SLC45A1: variants seen among roughly 807,000 people sequenced by gnomAD.
SLC45A1 encodes solute carrier family 45 member 1.
Under a neutral mutation model 57.6 loss-of-function variants are expected in SLC45A1, and 28 were observed. The ratio of observed to expected loss-of-function variants is 0.49; its 90% CI spans 0.36 to 0.67. SLC45A1 has a LOEUF of 0.67. Ranked by LOEUF, SLC45A1 falls within the 30% of genes least tolerant of loss-of-function variation. The pLI is 0.00. For synonymous variants in SLC45A1, 459 were observed against 471.5 expected (o/e 0.97, Z 0.34); for missense variants, 814 against 1,041.5 (o/e 0.78, Z 3.01).
Position 8,339,483 on chromosome 1 carries a change from T to G in SLC45A1, c.1775-10T>G, listed in dbSNP as rs1640734111. The G allele has an allele frequency of 1.2e-6, 2 of 1,614,060 alleles. No homozygotes were observed. Among genetic ancestry groups the G allele is most frequent in the Non-Finnish European group, 1.7e-6 (2 of 1,179,918 alleles). ...CGTGTGGCACTGCTCACCCTCTCTG[T>G]GGCCCGCAGCTATCCTGGAGAAGCT... On this transcript the variant is annotated splice_polypyrimidine_tract_variant and intron_variant, in intron 7 of 8. Coordinates refer to ENST00000471889, the MANE Select transcript of SLC45A1 (RefSeq NM_001080397.3).
intron 1 of SLC45A1, among the ~76,000 whole-genome samples, chr1:8,321,719 G>A (rs1640013528): frequency 6.6e-6 from 1 of 152,038 alleles, no homozygotes; most frequent in Non-Finnish European, 1.5e-5. Context: ...ATAGAGGAGT[G>A]GGTGGAAGAA....
chr1:8,324,833 G>A (rs538867028), intron 2 of SLC45A1, 107 bp downstream of exon 2: 3 of 1,118,760 alleles, frequency 2.7e-6, no homozygotes, highest in East Asian at 2.6e-5. Flanking sequence ...CAAGAGTTAA[G>A]TTCCCTTCAT....
intron 1 of SLC45A1, among the ~76,000 whole-genome samples, chr1:8,323,381 C>G (rs1640092165): frequency 6.6e-6 from 1 of 151,180 alleles, no homozygotes. Context: ...ATCCCAGCTA[C>G]TTGGGAGGCT....
Position 8,338,489 on chromosome 1 carries a change from C to G in SLC45A1, c.1774+497C>G, listed in dbSNP as rs995522059. On this transcript the variant is annotated intron_variant, in intron 7 of 8. Transcript: ENST00000471889. ...TTGGAGCACAGTGCTGAGTTCACACCAGGGCGAAGCCGAGGTGCCATCCCC... is the reference window on the plus strand; with the variant it reads ...TTGGAGCACAGTGCTGAGTTCACACGAGGGCGAAGCCGAGGTGCCATCCCC... 1.6e-4 allele frequency among the ~76,000 whole-genome samples: 25 copies of G among 152,264 alleles called. 1 individual carries two copies. Among genetic ancestry groups the G allele is most frequent in the African/African-American group, 5.5e-4 (23 of 41,478 alleles).
intron 7 of SLC45A1, 147 bp downstream of exon 7, chr1:8,338,139 C>A (rs896744374): frequency 3.9e-6 from 3 of 764,322 alleles, no homozygotes. Context: ...GGCTGCAGGG[C>A]GCTGGGCCTG....
chr1:8,337,072 G>A (rs965559610), intron 6 of SLC45A1, among the ~76,000 whole-genome samples: 20 of 152,168 alleles, frequency 1.3e-4, no homozygotes, highest in Non-Finnish European at 2.4e-4. Context: ...AGACATACAC[G>A]AAACTGGGTA....
chr1:8,319,017 A>C (rs1490846421), intron 1 of SLC45A1, among the ~76,000 whole-genome samples: 2 of 152,246 alleles, frequency 1.3e-5, no homozygotes, highest in Admixed American at 6.5e-5. Context: ...GCGGTGGCTC[A>C]TGCCTGTAAT....
Position 8,330,509 on chromosome 1 carries a change from C to G in SLC45A1, c.1016C>G (p.Ser339Trp). Residue 339 changes from serine to tryptophan, a missense_variant, in exon 5 of 9, where the codon TCG becomes TGG. Transcript: ENST00000471889. The surrounding 1 kb of genome is among the most constrained non-coding windows in gnomAD (Gnocchi z 8.4). Reference sequence around the variant, plus strand: ...GCCACCAACTTCTCCAGCCCCATCTCGCCGCCCAGCCCCCTCACGCCCAAG... The same window carrying G: ...GCCACCAACTTCTCCAGCCCCATCTGGCCGCCCAGCCCCCTCACGCCCAAG... ...HTATNFSSPI[S>W]PPSPLTPKYG... The G allele has an allele frequency of 6.2e-7, 1 of 1,613,238 alleles. No individual in the cohort carries two copies. Among genetic ancestry groups the G allele is most frequent in the Non-Finnish European group, 8.5e-7 (1 of 1,179,968 alleles).
chr1:8,318,627 G>C (rs1032409651), intron 1 of SLC45A1, among the ~76,000 whole-genome samples: 2 of 152,230 alleles, frequency 1.3e-5, no homozygotes, highest in African/African-American at 4.8e-5. Context: ...AGGGCACCGA[G>C]GACTCCCCTT....
At chr1:8,329,883 C>T (rs1408087799) in intron 4 of SLC45A1, among the ~76,000 whole-genome samples, 1 of 152,170 alleles carries the variant, frequency 6.6e-6, no homozygotes, top group African/African-American at 2.4e-5. Context: ...CCGGTGTCAA[C>T]ATTCGCTCCA....
At chr1:8,332,013 C>T (rs1435492338) in intron 5 of SLC45A1, among the ~76,000 whole-genome samples, 1 of 152,112 alleles carries the variant, frequency 6.6e-6, no homozygotes, top group African/African-American at 2.4e-5. Context: ...AGGATGGTTT[C>T]GATCTCCTGA....
chr1:8,333,890 T>C (rs1640507329), intron 5 of SLC45A1, among the ~76,000 whole-genome samples: 2 of 152,260 alleles, frequency 1.3e-5, no homozygotes, highest in Non-Finnish European at 2.9e-5. Context: ...TTGAGGTTCC[T>C]GGTGGCACCA....
chr1:8,326,489 A>T lies in SLC45A1; in HGVS notation c.715+447A>T, dbSNP rs915133473. Among the ~76,000 whole-genome samples, 1 of 152,232 alleles carries T rather than the reference A, an allele frequency of 6.6e-6. No individual in the cohort carries two copies. The highest frequency in any genetic ancestry group is 2.4e-5 in the African/African-American group (1 of 41,458). On this transcript the variant is annotated intron_variant, in intron 4 of 8. Coordinates refer to ENST00000471889, the MANE Select transcript of SLC45A1 (RefSeq NM_001080397.3). This position sits in a 1 kb window ranked among gnomAD's most constrained non-coding sequence, Gnocchi z 5.5. ...TTTCATCTGTGCCTTTGGCTGATTAACATTGAATTGACGGCCGACAGCGCT... is the reference window on the plus strand; with the variant it reads ...TTTCATCTGTGCCTTTGGCTGATTATCATTGAATTGACGGCCGACAGCGCT...
At chr1:8,341,199 CA>C (rs60069512) in intron 8 of SLC45A1, among the ~76,000 whole-genome samples, 3,815 of 64,256 alleles carry the variant, frequency 0.059, 152 homozygotes, top group African/African-American at 0.18. Context: ...GACTCCGTTT[CA>C]AAAAAAAAAA....
At chr1:8,331,907 C>G (rs1382305639) in intron 5 of SLC45A1, among the ~76,000 whole-genome samples, 3 of 152,008 alleles carry the variant, frequency 2.0e-5, no homozygotes, top group African/African-American at 7.3e-5. Flanking sequence ...ATTCTTCTGC[C>G]TCAGCCTCCC....
Position 8,330,974 on chromosome 1 carries a change from TG to T in SLC45A1, c.1443+40del. On this transcript the variant is annotated intron_variant, in intron 5 of 8. Transcript: ENST00000471889. The surrounding 1 kb of genome is among the most constrained non-coding windows in gnomAD (Gnocchi z 8.4). ...GTCGGGGGAGCTGAGGCTCAGAGGG[TG>T]GCATTCGGGGGTCCCCTGGTCAGTT... 6.5e-7 allele frequency: 1 copy of T among 1,538,266 alleles called. No homozygotes were observed. The highest frequency in any genetic ancestry group is 1.2e-5 in the South Asian group (1 of 81,460).
Position 8,343,920 on chromosome 1 carries a change from G to T in SLC45A1, c.2154G>T (p.Leu718=). Residue 718 remains leucine (L), a synonymous_variant, in exon 9 of 9, where the codon CTG becomes CTT. Coordinates refer to ENST00000471889, the MANE Select transcript of SLC45A1 (RefSeq NM_001080397.3). This position sits in a 1 kb window ranked among gnomAD's most constrained non-coding sequence, Gnocchi z 7.7. ...VMYFSSLVSF[L]GCLYSSLFVI... ...ACTTCTCCAGCCTCGTGTCCTTCCTGGGCTGCCTGTACTCCTCCCTGTTTG... is the reference window on the plus strand; with the variant it reads ...ACTTCTCCAGCCTCGTGTCCTTCCTTGGCTGCCTGTACTCCTCCCTGTTTG... 1 of 1,614,122 alleles carries T rather than the reference G, an allele frequency of 6.2e-7. No individual in the cohort carries two copies. Among genetic ancestry groups the T allele is most frequent in the Non-Finnish European group, 8.5e-7 (1 of 1,180,030 alleles).
chr1:8,330,392 G>A lies in SLC45A1; in HGVS notation c.899G>A (p.Arg300Gln), dbSNP rs368671084. The A allele has an allele frequency of 2.8e-5, 45 of 1,612,528 alleles. No homozygotes were observed. In the African/African-American group the frequency reaches 4.3e-4, roughly 15 times the overall value. Residue 300 changes from arginine (R) to glutamine (Q), a missense_variant, in exon 5 of 9, where the codon CGG becomes CAG. Arg to Gln is a conservative substitution (Grantham distance 43). Transcript: ENST00000471889. This position sits in a 1 kb window ranked among gnomAD's most constrained non-coding sequence, Gnocchi z 8.4. ...CCGCTGCGGCCGCCGAGTGAGAAGC[G>A]GGCAGCCATGAAGAGCCCCAGCCTC... The part of the protein sequence containing the change: ...ERPLRPPSEK[R>Q]AAMKSPSLPL...
Position 8,327,718 on chromosome 1 carries a change from AG to A in SLC45A1, c.715+1677del, listed in dbSNP as rs201443112. On this transcript the variant is annotated intron_variant, in intron 4 of 8. Coordinates refer to ENST00000471889, the MANE Select transcript of SLC45A1 (RefSeq NM_001080397.3). This position sits in a 1 kb window ranked among gnomAD's most constrained non-coding sequence, Gnocchi z 4.3. The stretch of plus-strand genomic sequence containing the variant: ...TTGCCTTGTTACAGAATAAAATGGA[AG>A]AAAAAAATTCCATTTAAAATAGCAA... 2.6e-5 allele frequency among the ~76,000 whole-genome samples: 4 copies of A among 152,266 alleles called. No individual in the cohort carries two copies. The highest frequency in any genetic ancestry group is 2.1e-4 in the South Asian group (1 of 4,812).
Sources: gnomAD v4.1 joint callset for allele counts (sites outside exome capture counted in the v4.1 genomes callset) on GRCh38, gnomAD v4.1.1 for gene constraint, Gnocchi (gnomAD v3.1) non-coding constraint, MANE v1.5 for transcripts, NCBI Gene and HGNC (gene_info 2026-07-23, HGNC 2026-07-21) for gene names.